Variants in FHIT observed in about 807,000 individuals in gnomAD.
FHIT encodes fragile histidine triad diadenosine triphosphatase.
Under a neutral mutation model 17.9 loss-of-function variants are expected in FHIT, and 19 were observed. That is an observed-to-expected ratio of 1.06 (90% CI 0.74 to 1.56). The LOEUF (loss-of-function observed/expected upper bound fraction) is 1.56, where lower values mean the gene tolerates loss of function less well. FHIT is among the 40% of genes most tolerant of loss of function. FHIT has a pLI of 0.00. For synonymous variants in FHIT, 81 were observed against 69.7 expected (o/e 1.16, Z -0.81); for missense variants, 248 against 189.2 (o/e 1.31, Z -1.82).
intron 7 of FHIT, among the ~76,000 whole-genome samples, chr3:59,973,845 C>G (rs184797470): frequency 2.0e-5 from 3 of 152,162 alleles, no homozygotes; most frequent in Non-Finnish European, 4.4e-5. Context: ...TAACTGTTCA[C>G]CACCAATGAA....
chr3:60,701,965 T>C lies in FHIT; in HGVS notation c.-18+119954A>G, dbSNP rs560829521. Reference sequence around the variant, plus strand: ...TGGAATCAGTAAGGTCAGATCTCTTTCACTGTCATAATTTTCTCAGTTATA... The same window carrying C: ...TGGAATCAGTAAGGTCAGATCTCTTCCACTGTCATAATTTTCTCAGTTATA... On this transcript the variant is annotated intron_variant, in intron 4 of 9. Transcript: ENST00000492590. 2.3e-4 allele frequency among the ~76,000 whole-genome samples: 35 copies of C among 152,320 alleles called. No homozygotes were observed. In the South Asian group the frequency reaches 6.2e-3, roughly 27 times the overall value.
chr3:61,017,393 A>C (rs2107637687), intron 3 of FHIT, among the ~76,000 whole-genome samples: 1 of 152,350 alleles, frequency 6.6e-6, no homozygotes, highest in Admixed American at 6.5e-5. Context: ...TTAGTTAGAA[A>C]ACAAGCTGAT....
chr3:60,502,734 TGAC>T (rs2034573024), intron 5 of FHIT, among the ~76,000 whole-genome samples: 3 of 152,220 alleles, frequency 2.0e-5, no homozygotes, highest in Admixed American at 2.0e-4. Context: ...TCATGAGGGC[TGAC>T]GACAACACTA....
At chr3:59,915,744 A>G (rs1283377495) in intron 8 of FHIT, among the ~76,000 whole-genome samples, 1 of 152,152 alleles carries the variant, frequency 6.6e-6, no homozygotes, top group East Asian at 1.9e-4. Flanking sequence ...GTTTGAGACC[A>G]GCCTGGACAA....
chr3:59,991,901 A>AAGTC (rs1444629187), intron 7 of FHIT, among the ~76,000 whole-genome samples: 1 of 152,028 alleles, frequency 6.6e-6, no homozygotes, highest in African/African-American at 2.4e-5. Flanking sequence ...GCCATACCTG[A>AAGTC]AGTCAGAAAC....
chr3:60,558,252 G>C (rs541330748), intron 4 of FHIT, among the ~76,000 whole-genome samples: 4 of 152,112 alleles, frequency 2.6e-5, no homozygotes, highest in Non-Finnish European at 4.4e-5. Context: ...CCAATCTCTA[G>C]TCATCTCCCT....
chr3:60,493,130 C>T (rs771239312), intron 5 of FHIT, among the ~76,000 whole-genome samples: 7 of 152,018 alleles, frequency 4.6e-5, no homozygotes, highest in East Asian at 3.9e-4. Flanking sequence ...TTATAAAGGT[C>T]AACTGGAATT....
At chr3:60,253,390 T>A (rs1705825879) in intron 5 of FHIT, among the ~76,000 whole-genome samples, 2 of 152,214 alleles carry the variant, frequency 1.3e-5, no homozygotes, top group African/African-American at 4.8e-5. Flanking sequence ...TGGGATGATG[T>A]GAAATGAAAC....
At chr3:60,097,384 C>A (rs933504068) in intron 5 of FHIT, among the ~76,000 whole-genome samples, 6 of 152,086 alleles carry the variant, frequency 3.9e-5, no homozygotes, top group Admixed American at 2.0e-4. Flanking sequence ...GGACACACTG[C>A]CCCTGAGGTA....
intron 4 of FHIT, among the ~76,000 whole-genome samples, chr3:60,719,343 A>G (rs1451803421): frequency 2.0e-5 from 3 of 152,206 alleles, no homozygotes; most frequent in Admixed American, 6.5e-5. Context: ...TCCCAAAACC[A>G]TACCATAAAC....
chr3:60,123,640 A>G (rs945842654), intron 5 of FHIT, among the ~76,000 whole-genome samples: 2 of 152,066 alleles, frequency 1.3e-5, no homozygotes, highest in Non-Finnish European at 2.9e-5. Flanking sequence ...TTTTCAAATG[A>G]TGAGTAGAGA....
chr3:60,280,990 T>TCCAGGA (rs1707401204), intron 5 of FHIT, among the ~76,000 whole-genome samples: 1 of 1,880 alleles, frequency 5.3e-4, no homozygotes, highest in African/African-American at 9.3e-4. Flanking sequence ...GCAGCAATGT[T>TCCAGGA]TCAGGATAAA....
intron 7 of FHIT, among the ~76,000 whole-genome samples, chr3:59,986,006 G>C (rs910095581): frequency 2.0e-5 from 3 of 152,000 alleles, no homozygotes; most frequent in African/African-American, 7.2e-5. Flanking sequence ...GAAGGAATGA[G>C]AGGAAGAAAA....
chr3:61,191,664 A>G (rs1216564901), intron 2 of FHIT, among the ~76,000 whole-genome samples: 3 of 152,138 alleles, frequency 2.0e-5, no homozygotes, highest in African/African-American at 7.2e-5. Context: ...ATAAAACCCG[A>G]TTAGTTTAAA....
chr3:59,960,630 T>G (rs910882177), intron 7 of FHIT, among the ~76,000 whole-genome samples: 11 of 152,184 alleles, frequency 7.2e-5, no homozygotes, highest in African/African-American at 1.9e-4. Context: ...AAGGGGTACT[T>G]TGGAAAACAA....
intron 3 of FHIT, among the ~76,000 whole-genome samples, chr3:60,861,544 T>C (rs1436202951): frequency 6.6e-6 from 1 of 151,826 alleles, no homozygotes; most frequent in Non-Finnish European, 1.5e-5. Flanking sequence ...CGCCTCCGAT[T>C]GAGAACCAGC....
At chr3:60,844,621 T>G (rs1278316666) in intron 3 of FHIT, among the ~76,000 whole-genome samples, 1 of 152,140 alleles carries the variant, frequency 6.6e-6, no homozygotes, top group East Asian at 1.9e-4. Context: ...CAAGTGAAAG[T>G]GCAAAGGTAG....
intron 7 of FHIT, among the ~76,000 whole-genome samples, chr3:59,983,693 C>T (rs12630463): frequency 0.36 from 54,170 of 151,818 alleles, 10,623 homozygotes; most frequent in East Asian, 0.53. Flanking sequence ...TTCATTCTCT[C>T]AGAATAAAGA....
intron 4 of FHIT, among the ~76,000 whole-genome samples, chr3:60,601,283 A>G (rs528453613): frequency 1.3e-5 from 2 of 152,248 alleles, no homozygotes; most frequent in Non-Finnish European, 2.9e-5. Flanking sequence ...TCCTAATGTC[A>G]GCATGTTTCA....
Sources: gnomAD v4.1 joint callset for allele counts (sites outside exome capture counted in the v4.1 genomes callset) on GRCh38, gnomAD v4.1.1 for gene constraint, MANE v1.5 for transcripts, NCBI Gene and HGNC (gene_info 2026-07-23, HGNC 2026-07-21) for gene names.